PHACTR4: variants seen among roughly 807,000 people sequenced by gnomAD.
The protein encoded by PHACTR4 is phosphatase and actin regulator 4.
Under a neutral mutation model 72.7 loss-of-function variants are expected in PHACTR4, and 51 were observed. That is an observed-to-expected ratio of 0.70 (90% CI 0.56 to 0.89). The LOEUF (loss-of-function observed/expected upper bound fraction) is 0.89. Among genes scored for constraint, PHACTR4 ranks in the 40% least tolerant of loss-of-function variants. The probability of loss-of-function intolerance (pLI) is 0.00; values close to 1 mark genes in which losing one functional copy is unlikely to be tolerated. For synonymous variants in PHACTR4, 255 were observed against 302.5 expected (o/e 0.84, Z 1.63); for missense variants, 731 against 861.8 (o/e 0.85, Z 1.90).
intron 10 of PHACTR4, 135 bp from the exon 11 acceptor site, chr1:28,490,816 C>T (rs996161985): frequency 1.1e-6 from 1 of 874,622 alleles, no homozygotes; most frequent in Non-Finnish European, 1.8e-6. Flanking sequence ...GCACTCCAGC[C>T]TGGGCAACAA....
chr1:28,435,970 A>T (rs958511686), intron 2 of PHACTR4, among the ~76,000 whole-genome samples: 2 of 152,200 alleles, frequency 1.3e-5, no homozygotes, highest in South Asian at 2.1e-4. Flanking sequence ...AATGGTCAAC[A>T]TCATAATGTT....
rs201265721 is a variant in PHACTR4, at chr1:28,396,983, G to A, written c.-38-10427G>A. On this transcript the variant is annotated intron_variant, in intron 1 of 13. Transcript: ENST00000373839. Reference sequence around the variant, plus strand: ...GCTGGGATTGCAGGTGTGAGCCACCGTGCCTGGCCGTGATATGCTTTTAAA... The same window carrying A: ...GCTGGGATTGCAGGTGTGAGCCACCATGCCTGGCCGTGATATGCTTTTAAA... Among the ~76,000 whole-genome samples the A allele has an allele frequency of 3.3e-5, 5 of 151,664 alleles. No individual in the cohort carries two copies. In the East Asian group the frequency reaches 5.8e-4, roughly 18 times the overall value.
At chr1:28,398,293 G>A (rs1315903856) in intron 1 of PHACTR4, among the ~76,000 whole-genome samples, 1 of 152,060 alleles carries the variant, frequency 6.6e-6, no homozygotes, top group Non-Finnish European at 1.5e-5. Context: ...GGCCAAGGTG[G>A]GCAGATCATG....
intron 2 of PHACTR4, chr1:28,453,769 T>C: frequency 1.0e-6 from 1 of 995,114 alleles, no homozygotes; most frequent in Non-Finnish European, 1.6e-6. Flanking sequence ...AAAAAAGAGG[T>C]TTCAGCAGTT....
At chr1:28,446,797 G>A (rs1657504402) in intron 2 of PHACTR4, among the ~76,000 whole-genome samples, 1 of 151,672 alleles carries the variant, frequency 6.6e-6, no homozygotes, top group African/African-American at 2.4e-5. Context: ...AGAAAAGTGT[G>A]TGGCACCTGC....
intron 2 of PHACTR4, among the ~76,000 whole-genome samples, chr1:28,443,156 A>G (rs576480569): frequency 1.8e-4 from 27 of 152,114 alleles, no homozygotes; most frequent in Non-Finnish European, 1.5e-5. Flanking sequence ...TTTAGCTTCT[A>G]TGTATGAGTG....
At chr1:28,470,535 C>T (rs182137384) in intron 6 of PHACTR4, among the ~76,000 whole-genome samples, 4 of 122,174 alleles carry the variant, frequency 3.3e-5, no homozygotes, top group African/African-American at 1.0e-4. Flanking sequence ...CAAAAAATAC[C>T]CCCCCCAAAA....
chr1:28,408,987 T>G (rs1014630710), intron 2 of PHACTR4, among the ~76,000 whole-genome samples: 5 of 152,038 alleles, frequency 3.3e-5, no homozygotes, highest in African/African-American at 1.2e-4. Flanking sequence ...GCCTAATATT[T>G]CTAATTAAGT....
intron 1 of PHACTR4, among the ~76,000 whole-genome samples, chr1:28,400,376 T>TAAA (rs60558818): frequency 7.7e-6 from 1 of 129,418 alleles, no homozygotes. Flanking sequence ...CCATCTCAAT[T>TAAA]AAAAAAAAAA....
chr1:28,391,310 A>G (rs1275852207), intron 1 of PHACTR4, among the ~76,000 whole-genome samples: 1 of 150,370 alleles, frequency 6.7e-6, no homozygotes, highest in Non-Finnish European at 1.5e-5. Flanking sequence ...GAGGCAGGAT[A>G]ATGGTGTGAA....
At chr1:28,468,989 A>G (rs1034030246) in intron 6 of PHACTR4, among the ~76,000 whole-genome samples, 1 of 152,216 alleles carries the variant, frequency 6.6e-6, no homozygotes, top group Admixed American at 6.6e-5. Context: ...AGCCCAAAAC[A>G]ATAGACCTTG....
chr1:28,460,869 C>T (rs1224398222), intron 4 of PHACTR4, among the ~76,000 whole-genome samples: 1 of 151,830 alleles, frequency 6.6e-6, no homozygotes, highest in African/African-American at 2.4e-5. Flanking sequence ...GTCTCGAACT[C>T]CTGACCTCAG....
At chr1:28,376,020 G>C (rs1319077835) in intron 1 of PHACTR4, among the ~76,000 whole-genome samples, 1 of 152,012 alleles carries the variant, frequency 6.6e-6, no homozygotes, top group African/African-American at 2.4e-5. Context: ...TGTGAGCTGA[G>C]ATCACACCAT....
chr1:28,405,407 A>G (rs1196546089), intron 1 of PHACTR4, among the ~76,000 whole-genome samples: 1 of 151,790 alleles, frequency 6.6e-6, no homozygotes, highest in Non-Finnish European at 1.5e-5. Flanking sequence ...GCTCACTGCA[A>G]CCTCCGACTC....
chr1:28,428,272 C>G (rs1285444961), intron 2 of PHACTR4, among the ~76,000 whole-genome samples: 2 of 152,214 alleles, frequency 1.3e-5, no homozygotes, highest in Admixed American at 6.5e-5. Flanking sequence ...AGCTAGTTCT[C>G]ACTTTCTTCT....
intron 10 of PHACTR4, 76 bp from the exon 11 acceptor site, chr1:28,490,875 A>G (rs982967712): frequency 1.2e-5 from 16 of 1,377,624 alleles, no homozygotes; most frequent in African/African-American, 1.4e-5. Context: ...AATATCTGTA[A>G]TGTAATTACT....
At chr1:28,485,504 T>C (rs887660165) in intron 9 of PHACTR4, among the ~76,000 whole-genome samples, 1 of 151,506 alleles carries the variant, frequency 6.6e-6, no homozygotes, top group Non-Finnish European at 1.5e-5. Context: ...GGAGAATTGC[T>C]TGAACCCGGG....
rs769137976 is a variant in PHACTR4, at chr1:28,496,515, CTT to C, written c.2094-14_2094-13del. The C allele has an allele frequency of 5.2e-5, 84 of 1,613,474 alleles. 3 individuals carry two copies. In the South Asian group the frequency reaches 8.0e-4, roughly 15 times the overall value. On this transcript the variant is annotated splice_polypyrimidine_tract_variant and intron_variant, in intron 13 of 13. Coordinates refer to ENST00000373839, the MANE Select transcript of PHACTR4 (RefSeq NM_001048183.3). ...ATGTACATCATGTGGTAACTTGTCT[CTT>C]TTTTAATCTCTTTTAGCTACCATCG...
chr1:28,427,756 G>A (rs1418139322), intron 2 of PHACTR4, among the ~76,000 whole-genome samples: 1 of 152,050 alleles, frequency 6.6e-6, no homozygotes, highest in Admixed American at 6.6e-5. Flanking sequence ...ATGGGAAGAG[G>A]GCAGGGATTA....
Sources: allele counts gnomAD v4.1 joint callset (sites outside exome capture counted in the v4.1 genomes callset), GRCh38; gene constraint gnomAD v4.1.1; transcripts MANE v1.5; gene names NCBI Gene and HGNC (gene_info 2026-07-23, HGNC 2026-07-21).